Variants in USP34 observed in about 807,000 individuals in gnomAD.
USP34 encodes the protein ubiquitin specific peptidase 34.
Under a neutral mutation model 460.3 loss-of-function variants are expected in USP34, and 70 were observed. The observed-to-expected ratio is 0.15, with a 90% CI of 0.13 to 0.19. The LOEUF (loss-of-function observed/expected upper bound fraction) is 0.19. Among genes scored for constraint, USP34 ranks in the 10% least tolerant of loss-of-function variants. The probability of loss-of-function intolerance (pLI) is 1.00; values close to 1 mark genes in which losing one functional copy is unlikely to be tolerated. For missense variants in USP34, 3,985 were observed against 4,236.2 expected (o/e 0.94, Z 1.65); for synonymous variants, 1,647 against 1,405.3 (o/e 1.17, Z -3.85).
chr2:61,238,254 A>C (rs1444218544), intron 53 of USP34, among the ~76,000 whole-genome samples: 1 of 151,988 alleles, frequency 6.6e-6, no homozygotes, highest in Non-Finnish European at 1.5e-5. Flanking sequence ...TTTTCCTTGA[A>C]CTTCCATCAC....
chr2:61,223,560 C>A, intron 62 of USP34: 10 of 318,738 alleles, frequency 3.1e-5, no homozygotes, highest in South Asian at 6.5e-5. Context: ...TAGGATGGGT[C>A]TTATTTTACT....
chr2:61,272,251 A>C (rs1230685377), intron 41 of USP34, among the ~76,000 whole-genome samples: 2 of 151,960 alleles, frequency 1.3e-5, no homozygotes, highest in Non-Finnish European at 2.9e-5. Context: ...CTCTACTAAA[A>C]ATACAAAAAA....
At chr2:61,320,179 G>T (rs1690872820) in intron 21 of USP34, among the ~76,000 whole-genome samples, 1 of 152,198 alleles carries the variant, frequency 6.6e-6, no homozygotes, top group African/African-American at 2.4e-5. Flanking sequence ...GTTACAATTT[G>T]TATTCATTCA....
intron 21 of USP34, 149 bp from the exon 22 acceptor site, chr2:61,319,476 C>G: frequency 4.6e-6 from 2 of 431,872 alleles, no homozygotes; most frequent in East Asian, 3.6e-5. Context: ...CATAATGAAA[C>G]TAACTTTACC....
At chr2:61,196,312 G>T (rs1269013889) in intron 75 of USP34, among the ~76,000 whole-genome samples, 1 of 148,672 alleles carries the variant, frequency 6.7e-6, no homozygotes, top group Non-Finnish European at 1.5e-5. Flanking sequence ...GGATAGTCTC[G>T]ATCTCCTGAC....
intron 8 of USP34, among the ~76,000 whole-genome samples, chr2:61,376,395 G>A (rs1481886423): frequency 2.6e-5 from 4 of 152,100 alleles, no homozygotes; most frequent in Non-Finnish European, 5.9e-5. Flanking sequence ...ATGTCTTTGG[G>A]ATGTATATTC....
rs528108787 is a variant in USP34 at position 61,190,248 on chromosome 2, C to T, written c.9873+23G>A. ...TGAAGGACAGTTTAAAAGTGTGTGC[C>T]GCCGCCTCTGCATAGTTCTTACCCC... is the stretch of plus-strand genomic sequence containing the variant. On this transcript the variant is annotated intron_variant, in intron 78 of 79. Transcript: ENST00000398571. 8.3e-5 allele frequency: 132 copies of T among 1,584,690 alleles called. 3 individuals carry two copies. In the East Asian group the frequency reaches 2.4e-3, roughly 29 times the overall value.
intron 3 of USP34, among the ~76,000 whole-genome samples, chr2:61,400,427 T>C (rs1250260022): frequency 2.6e-5 from 4 of 152,086 alleles, no homozygotes; most frequent in East Asian, 1.9e-4. Context: ...GGCAATTCTA[T>C]GTAAATTAAG....
At chr2:61,267,397 A>T (rs936237456) in intron 41 of USP34, among the ~76,000 whole-genome samples, 4 of 152,182 alleles carry the variant, frequency 2.6e-5, no homozygotes, top group African/African-American at 9.7e-5. Flanking sequence ...AGTTCTTAGC[A>T]AAGAAACGTT....
chr2:61,308,090 G>C (rs914000119), intron 27 of USP34, among the ~76,000 whole-genome samples: 7 of 151,836 alleles, frequency 4.6e-5, no homozygotes, highest in African/African-American at 1.7e-4. Flanking sequence ...GAAAGAAAGG[G>C]GGAAAAGAAA....
At chr2:61,192,299 CATT>C (rs1332771059) in intron 76 of USP34, among the ~76,000 whole-genome samples, 7 of 152,238 alleles carry the variant, frequency 4.6e-5, no homozygotes, top group African/African-American at 9.6e-5. Flanking sequence ...ATGAGCCAAA[CATT>C]AGTACCTCCT....
At chr2:61,262,259 G>T (rs984796071) in intron 43 of USP34, among the ~76,000 whole-genome samples, 1 of 150,918 alleles carries the variant, frequency 6.6e-6, no homozygotes, top group East Asian at 1.9e-4. Flanking sequence ...CGTGTGTCAC[G>T]TAAGTTTGGT....
chr2:61,468,770 T>C (rs1442789273), intron 1 of USP34, among the ~76,000 whole-genome samples: 1 of 152,220 alleles, frequency 6.6e-6, no homozygotes, highest in South Asian at 2.1e-4. Context: ...ACTGCATTTT[T>C]CAGTGCTTCT....
intron 3 of USP34, among the ~76,000 whole-genome samples, chr2:61,397,170 T>G (rs181321334): frequency 1.3e-5 from 2 of 152,246 alleles, no homozygotes; most frequent in African/African-American, 2.4e-5. Flanking sequence ...AGGCCGGGCA[T>G]GGTGGCTCAC....
At chr2:61,305,333 T>C (rs1053426900) in intron 27 of USP34, among the ~76,000 whole-genome samples, 8 of 151,378 alleles carry the variant, frequency 5.3e-5, no homozygotes, top group African/African-American at 1.9e-4. Flanking sequence ...AAAAAAAATT[T>C]ACAGACATAA....
intron 5 of USP34, among the ~76,000 whole-genome samples, chr2:61,394,488 G>A (rs1693453748): frequency 7.0e-6 from 1 of 143,758 alleles, no homozygotes; most frequent in Non-Finnish European, 1.5e-5. Context: ...CTGAGCCCAG[G>A]AGGTAGAAGC....
chr2:61,216,318 C>T (rs986532870), intron 67 of USP34, among the ~76,000 whole-genome samples: 5 of 152,052 alleles, frequency 3.3e-5, no homozygotes, highest in Non-Finnish European at 5.9e-5. Flanking sequence ...AGCCATTTGG[C>T]GGCTGGGTGC....
chr2:61,258,257 G>A (rs950461545), intron 44 of USP34, among the ~76,000 whole-genome samples: 4 of 152,120 alleles, frequency 2.6e-5, no homozygotes, highest in East Asian at 1.9e-4. Flanking sequence ...GAGCAGTGTC[G>A]AGGTTGCCAT....
intron 18 of USP34, among the ~76,000 whole-genome samples, chr2:61,338,778 A>G (rs1182298869): frequency 1.3e-5 from 2 of 152,226 alleles, no homozygotes; most frequent in Admixed American, 6.5e-5. Context: ...AACAAGAGAA[A>G]AAAACACTAA....
Sources: gnomAD v4.1 joint callset for allele counts (sites outside exome capture counted in the v4.1 genomes callset) on GRCh38, gnomAD v4.1.1 for gene constraint, MANE v1.5 for transcripts, NCBI Gene and HGNC (gene_info 2026-07-23, HGNC 2026-07-21) for gene names.